Variants in TFEC observed in about 807,000 individuals in gnomAD.
TFEC encodes transcription factor EC.
TFEC carries 31 observed loss-of-function variants against 41.6 expected under a neutral mutation model. The observed-to-expected ratio is 0.74, with a 90% CI of 0.56 to 1.01. TFEC has a LOEUF of 1.01. Ranked by LOEUF, TFEC falls within the 50% of genes least tolerant of loss-of-function variation. The pLI, the probability that TFEC is intolerant of heterozygous loss-of-function variation, is 0.00. For synonymous variants in TFEC, 143 were observed against 140.6 expected, an observed-to-expected ratio of 1.02 and a Z score of -0.12; for missense variants, 402 against 404.1, an observed-to-expected ratio of 0.99 and a Z score of 0.04.
At chr7:115,942,207 C>T (rs1793543307) in intron 6 of TFEC, among the ~76,000 whole-genome samples, 167 bp from the exon 7 acceptor site, 1 of 151,630 alleles carries the variant, frequency 6.6e-6, no homozygotes, top group African/African-American at 2.4e-5. Context: ...TTAAGAAGCC[C>T]TTATATAGTA....
At chr7:116,119,587 G>A (rs1043193030) in intron 1 of TFEC, among the ~76,000 whole-genome samples, 2 of 151,650 alleles carry the variant, frequency 1.3e-5, no homozygotes, top group Non-Finnish European at 3.0e-5. Context: ...TATGTAAATT[G>A]TATGTCATTA....
intron 3 of TFEC, among the ~76,000 whole-genome samples, chr7:116,083,029 T>C (rs1188093319): frequency 6.6e-6 from 1 of 151,902 alleles, no homozygotes; most frequent in Non-Finnish European, 1.5e-5. Flanking sequence ...ATAAAGATAA[T>C]GAAATAAATA....
upstream of TFEC, among the ~76,000 whole-genome samples, chr7:116,032,630 A>T (rs536303502): frequency 2.6e-5 from 4 of 152,258 alleles, no homozygotes; most frequent in Non-Finnish European, 5.9e-5. Context: ...GAGCTAAATG[A>T]TGAGAACACA....
At chr7:115,962,602 T>C (rs1792616617) in intron 3 of TFEC, among the ~76,000 whole-genome samples, 1 of 151,710 alleles carries the variant, frequency 6.6e-6, no homozygotes, top group Admixed American at 6.6e-5. Context: ...AGGAATTCTT[T>C]TCAACAAATG....
At chr7:115,983,549 G>A (rs1354461739) in intron 2 of TFEC, among the ~76,000 whole-genome samples, 1 of 152,106 alleles carries the variant, frequency 6.6e-6, no homozygotes, top group Non-Finnish European at 1.5e-5. Flanking sequence ...AGAAAGCTCA[G>A]TTATTAATGT....
At chr7:115,993,955 A>G (rs1235550250) in intron 1 of TFEC, among the ~76,000 whole-genome samples, 2 of 152,196 alleles carry the variant, frequency 1.3e-5, no homozygotes, top group Non-Finnish European at 2.9e-5. Context: ...ACTTCAAACT[A>G]TACTACAAGG....
intron 3 of TFEC, among the ~76,000 whole-genome samples, chr7:116,105,587 C>T (rs566675099): frequency 1.6e-4 from 24 of 152,138 alleles, no homozygotes; most frequent in Non-Finnish European, 3.4e-4. Context: ...TTGGCATTGA[C>T]CGCTGATGTT....
chr7:116,155,512 C>A (rs1445077446), intron 1 of TFEC, among the ~76,000 whole-genome samples: 2 of 152,020 alleles, frequency 1.3e-5, no homozygotes, highest in African/African-American at 4.8e-5. Flanking sequence ...TAAAGTTGAT[C>A]CCATTAAACT....
At chr7:115,946,046 A>C (rs1481850419) in intron 6 of TFEC, among the ~76,000 whole-genome samples, 1 of 151,816 alleles carries the variant, frequency 6.6e-6, no homozygotes, top group African/African-American at 2.4e-5. Flanking sequence ...GTCTTTAGAT[A>C]AAGTTTTTAT....
chr7:116,029,005 TG>T (rs1795689688), intron 1 of TFEC, among the ~76,000 whole-genome samples: 1 of 152,188 alleles, frequency 6.6e-6, no homozygotes, highest in African/African-American at 2.4e-5. Flanking sequence ...GTAATTATTT[TG>T]GGCTATCTAG....
intron 3 of TFEC, among the ~76,000 whole-genome samples, chr7:116,078,488 A>G (rs907775273): frequency 1.3e-5 from 2 of 152,162 alleles, no homozygotes; most frequent in Admixed American, 1.3e-4. Flanking sequence ...TTAATTAGAA[A>G]TGAAACAGGA....
At chr7:116,020,907 A>G (rs1294327057) in intron 1 of TFEC, among the ~76,000 whole-genome samples, 1 of 152,182 alleles carries the variant, frequency 6.6e-6, no homozygotes, top group Non-Finnish European at 1.5e-5. Context: ...GGATCTTTCA[A>G]ACTCTCAATA....
intron 3 of TFEC, among the ~76,000 whole-genome samples, chr7:116,107,928 G>A (rs1368113950): frequency 6.6e-6 from 1 of 152,160 alleles, no homozygotes; most frequent in Non-Finnish European, 1.5e-5. Flanking sequence ...TGATTAGCAT[G>A]ATGCTTGTCC....
At position 115,951,769 on chromosome 7, in the gene TFEC, T is replaced by C. The variant is rs543670063; in HGVS notation, c.440-820A>G. Reference sequence around the variant, plus strand: ...CTGATATAAGCTCTTATTCAGAGACTGTTTTCTCTTTTTGCATTTCCATAC... The same window carrying C: ...CTGATATAAGCTCTTATTCAGAGACCGTTTTCTCTTTTTGCATTTCCATAC... On this transcript the variant is annotated intron_variant, in intron 5 of 7. Coordinates refer to ENST00000265440, the MANE Select transcript of TFEC (RefSeq NM_012252.4). Among the ~76,000 whole-genome samples, 4 of 152,196 alleles carry C rather than the reference T, an allele frequency of 2.6e-5. No individual in the cohort carries two copies. In the East Asian group the frequency reaches 5.8e-4, roughly 22 times the overall value.
At position 115,936,717 on chromosome 7, in the gene TFEC, T is replaced by C. The variant is rs1793243293; in HGVS notation, c.*3834A>G. On this transcript the variant is annotated 3_prime_UTR_variant, in exon 8 of 8. Coordinates refer to ENST00000265440, the MANE Select transcript of TFEC (RefSeq NM_012252.4). ...AAATCTAATTCCCCTCATGACATTA[T>C]GGTAAATGAGCACACCAAATCAAGA... 1 of 151,618 alleles carries C rather than the reference T, an allele frequency of 6.6e-6. No individual in the cohort carries two copies. Among genetic ancestry groups the C allele is most frequent in the Admixed American group, 6.6e-5 (1 of 15,202 alleles). 9.4% of individuals were successfully genotyped at this position (151,618 alleles called of 1,614,324 possible).
At chr7:116,041,266 G>A (rs1796031118) in intron 3 of TFEC, among the ~76,000 whole-genome samples, 2 of 150,802 alleles carry the variant, frequency 1.3e-5, no homozygotes, top group African/African-American at 2.4e-5. Flanking sequence ...CAACTAATGA[G>A]GAAAAGAAAG....
At chr7:116,147,344 A>C (rs1187049405) in intron 1 of TFEC, among the ~76,000 whole-genome samples, 1 of 152,254 alleles carries the variant, frequency 6.6e-6, no homozygotes, top group Admixed American at 6.5e-5. Context: ...TAAAACATCC[A>C]AAAGGAAAAG....
chr7:116,135,936 A>C (rs906756102), intron 1 of TFEC, among the ~76,000 whole-genome samples: 9 of 152,148 alleles, frequency 5.9e-5, no homozygotes, highest in Non-Finnish European at 8.8e-5. Flanking sequence ...AAATTGCTTT[A>C]GAAAATTAGC....
At chr7:115,946,336 C>T (rs972936775) in intron 6 of TFEC, among the ~76,000 whole-genome samples, 18 of 148,640 alleles carry the variant, frequency 1.2e-4, no homozygotes, top group Non-Finnish European at 2.7e-4. Flanking sequence ...GTTGAATTGT[C>T]CAAATAAATG....
Sources: allele counts gnomAD v4.1 joint callset (sites outside exome capture counted in the v4.1 genomes callset), GRCh38; gene constraint gnomAD v4.1.1; transcripts MANE v1.5; gene names NCBI Gene and HGNC (gene_info 2026-07-23, HGNC 2026-07-21).